CEP85L: variants seen among roughly 807,000 people sequenced by gnomAD.
CEP85L encodes the protein centrosomal protein of 85 kDa-like.
A neutral mutation model predicts 100.3 loss-of-function variants in CEP85L; 60 were observed. That is an observed-to-expected ratio of 0.60 (90% CI 0.49 to 0.74). The LOEUF (loss-of-function observed/expected upper bound fraction) is 0.74. Ranked by LOEUF, CEP85L falls within the 30% of genes least tolerant of loss-of-function variation. CEP85L has a pLI of 0.00. For synonymous variants in CEP85L, 319 were observed against 322.7 expected (o/e 0.99, Z 0.12); for missense variants, 973 against 936.2 (o/e 1.04, Z -0.51).
intron 5 of CEP85L, among the ~76,000 whole-genome samples, chr6:118,503,615 G>A (rs537617719): frequency 1.8e-4 from 27 of 151,894 alleles, no homozygotes; most frequent in Non-Finnish European, 3.1e-4. Flanking sequence ...ACAAAATAGA[G>A]AGTCCAGAAA....
intron 1 of CEP85L, among the ~76,000 whole-genome samples, chr6:118,663,426 G>T (rs1776036261): frequency 6.6e-6 from 1 of 152,136 alleles, no homozygotes; most frequent in Admixed American, 6.5e-5. Context: ...AGCCTTTAAA[G>T]AAATATTTAT....
chr6:118,573,824 C>T (rs1285639206), intron 2 of CEP85L, among the ~76,000 whole-genome samples: 1 of 152,122 alleles, frequency 6.6e-6, no homozygotes, highest in Non-Finnish European at 1.5e-5. Flanking sequence ...TCATAGCACC[C>T]ATGAATATTA....
intron 3 of CEP85L, among the ~76,000 whole-genome samples, chr6:118,545,801 AAAT>A (rs1384427909): frequency 6.6e-6 from 1 of 152,216 alleles, no homozygotes; most frequent in Admixed American, 6.5e-5. Context: ...GGAAAAAAGA[AAAT>A]AAGTGCTAAC....
rs551300699 is a variant in CEP85L, at chr6:118,469,051, G to A, written c.2254+21C>T. 6.0e-4 allele frequency: 928 copies of A among 1,542,518 alleles called. 17 individuals are homozygous for A. In the South Asian group the frequency reaches 0.01, roughly 17 times the overall value. ...AGGTTTCTAATTGCCACAAAATAAG[G>A]ACAAGTCATCAGACACTTACATCTT... On this transcript the variant is annotated intron_variant, in intron 12 of 12. Transcript: ENST00000368491.
intron 1 of CEP85L, among the ~76,000 whole-genome samples, chr6:118,641,382 C>G (rs746667022): frequency 4.4e-5 from 6 of 137,802 alleles, no homozygotes; most frequent in Non-Finnish European, 6.3e-5. Context: ...AATCCACTGG[C>G]AAGCTGCTGG....
At chr6:118,535,777 G>A (rs1184105113) in intron 3 of CEP85L, among the ~76,000 whole-genome samples, 1 of 151,986 alleles carries the variant, frequency 6.6e-6, no homozygotes, top group African/African-American at 2.4e-5. Flanking sequence ...GCCCCAAAGT[G>A]CAAGAGTAGT....
At chr6:118,492,047 C>T (rs1309377082) in intron 5 of CEP85L, among the ~76,000 whole-genome samples, 182 bp from the exon 6 acceptor site, 1 of 152,060 alleles carries the variant, frequency 6.6e-6, no homozygotes, top group Non-Finnish European at 1.5e-5. Context: ...AATTACTTAC[C>T]TTCTCAAAAC....
At chr6:118,521,913 A>T (rs1409269228) in intron 4 of CEP85L, among the ~76,000 whole-genome samples, 1 of 152,076 alleles carries the variant, frequency 6.6e-6, no homozygotes, top group Non-Finnish European at 1.5e-5. Flanking sequence ...AGAAATATAT[A>T]TTTTATTATA....
chr6:118,587,221 A>C (rs1267764516), intron 2 of CEP85L, among the ~76,000 whole-genome samples: 1 of 152,332 alleles, frequency 6.6e-6, no homozygotes, highest in African/African-American at 2.4e-5. Flanking sequence ...CTTATCAGGC[A>C]TAAATGGGAC....
chr6:118,546,498 T>C lies in CEP85L; in HGVS notation c.1020+19031A>G, dbSNP rs572934951. ...ATGAATGTGTAACTGGTAGACAAAC[T>C]TAAAGCAGACTTTCTAAAACTATTA... On this transcript the variant is annotated intron_variant, in intron 3 of 12. Transcript: ENST00000368491. 5.9e-5 allele frequency among the ~76,000 whole-genome samples: 9 copies of C among 152,282 alleles called. 1 individual carries two copies. The South Asian group carries it at 1.2e-3, about 21-fold the overall frequency.
chr6:118,499,613 C>G (rs1040473192), intron 5 of CEP85L, among the ~76,000 whole-genome samples: 1 of 151,570 alleles, frequency 6.6e-6, no homozygotes, highest in East Asian at 2.0e-4. Context: ...TCAGTGAGCC[C>G]AGATCGCATC....
At chr6:118,478,065 T>C (rs940861939) in intron 10 of CEP85L, among the ~76,000 whole-genome samples, 3 of 152,114 alleles carry the variant, frequency 2.0e-5, no homozygotes, top group African/African-American at 7.2e-5. Context: ...GTGAAGGGAA[T>C]TGCTGTATTA....
chr6:118,542,170 A>G (rs1777931352), intron 3 of CEP85L, among the ~76,000 whole-genome samples: 1 of 152,196 alleles, frequency 6.6e-6, no homozygotes, highest in Admixed American at 6.5e-5. Context: ...CCAAACTCAC[A>G]TTTACATAGT....
intron 2 of CEP85L, among the ~76,000 whole-genome samples, chr6:118,580,634 C>A (rs182951950): frequency 2.0e-5 from 3 of 152,316 alleles, no homozygotes; most frequent in Non-Finnish European, 2.9e-5. Context: ...CTCGCCGTTG[C>A]GCAAGGCTGG....
chr6:118,663,910 C>T (rs1204739100), intron 1 of CEP85L, among the ~76,000 whole-genome samples: 4 of 146,412 alleles, frequency 2.7e-5, no homozygotes, highest in Non-Finnish European at 4.5e-5. Context: ...ATTTTTTATT[C>T]TTGGGAAGTT....
intron 2 of CEP85L, among the ~76,000 whole-genome samples, chr6:118,606,775 A>G (rs1772252824): frequency 6.6e-6 from 1 of 152,144 alleles, no homozygotes. Context: ...ATCCTGAAGT[A>G]CCCCTCAACA....
chr6:118,557,273 A>G (rs1778933382), intron 3 of CEP85L, among the ~76,000 whole-genome samples: 1 of 152,228 alleles, frequency 6.6e-6, no homozygotes, highest in African/African-American at 2.4e-5. Context: ...TTTCCTTTTT[A>G]TGAGATTGGC....
intron 3 of CEP85L, among the ~76,000 whole-genome samples, chr6:118,555,316 T>C (rs571887378): frequency 9.8e-4 from 148 of 151,620 alleles, no homozygotes; most frequent in African/African-American, 3.5e-3. Context: ...TAGTCCCAGC[T>C]ACTCGGGAGG....
intron 3 of CEP85L, among the ~76,000 whole-genome samples, chr6:118,555,425 C>CAAAAAAAAAAAAAAAAAAAAAAAAAAA (rs200889385): frequency 1.7e-5 from 2 of 116,418 alleles, no homozygotes; most frequent in Admixed American, 9.3e-5. Flanking sequence ...AAGACTGTCT[C>CAAAAAAAAAAAAAAAAAAAAAAAAAAA]AAAAAAAAAA....
Sources: gnomAD v4.1 joint callset for allele counts (sites outside exome capture counted in the v4.1 genomes callset) on GRCh38, gnomAD v4.1.1 for gene constraint, MANE v1.5 for transcripts, NCBI Gene and HGNC (gene_info 2026-07-23, HGNC 2026-07-21) for gene names.